Variants in RNF150 observed in about 807,000 individuals in gnomAD.
The protein encoded by RNF150 is ring finger protein 150.
A neutral mutation model predicts 39.3 loss-of-function variants in RNF150; 24 were observed. That is an observed-to-expected ratio of 0.61 (90% CI 0.44 to 0.86). The LOEUF (loss-of-function observed/expected upper bound fraction) is 0.86, where lower values mean the gene tolerates loss of function less well. Among genes scored for constraint, RNF150 ranks in the 40% least tolerant of loss-of-function variants. The pLI is 0.00. For synonymous variants in RNF150, 255 were observed against 227.3 expected, an observed-to-expected ratio of 1.12 and a Z score of -1.10; for missense variants, 502 against 587.8, an observed-to-expected ratio of 0.85 and a Z score of 1.51.
intron 1 of RNF150, among the ~76,000 whole-genome samples, chr4:141,122,057 C>T (rs1362549207): frequency 6.6e-6 from 1 of 152,098 alleles, no homozygotes; most frequent in African/African-American, 2.4e-5. Flanking sequence ...CTGATCTCAA[C>T]CAAGTTCCCC....
intron 6 of RNF150, among the ~76,000 whole-genome samples, chr4:140,909,469 CTTTACTG>C (rs1350198464): frequency 6.6e-6 from 1 of 151,930 alleles, no homozygotes; most frequent in East Asian, 1.9e-4. Context: ...AATTTAAGTT[CTTTACTG>C]TTTACTTCTT....
At chr4:141,074,676 C>A (rs1030842300) in intron 1 of RNF150, among the ~76,000 whole-genome samples, 1 of 152,158 alleles carries the variant, frequency 6.6e-6, no homozygotes, top group Non-Finnish European at 1.5e-5. Context: ...AAGCAGGATA[C>A]AGCTCTCAGG....
At chr4:141,113,784 G>A (rs1008121303) in intron 1 of RNF150, among the ~76,000 whole-genome samples, 1 of 152,154 alleles carries the variant, frequency 6.6e-6, no homozygotes, top group Admixed American at 6.5e-5. Flanking sequence ...ACACTCCTCA[G>A]CAAATGCAAA....
intron 1 of RNF150, among the ~76,000 whole-genome samples, chr4:141,093,473 T>C (rs1254818058): frequency 6.6e-6 from 1 of 152,048 alleles, no homozygotes; most frequent in Admixed American, 6.5e-5. Context: ...TCCTGTCCTA[T>C]AGAAGAGTTA....
At position 140,863,870 on chromosome 4, in the gene RNF150, A is replaced by T. The variant is rs1299734430; in HGVS notation, c.*4391T>A. 2.0e-5 allele frequency: 3 copies of T among 152,188 alleles called. No homozygotes were observed. In the East Asian group the frequency reaches 5.8e-4, roughly 29 times the overall value. 9.4% of individuals were successfully genotyped at this position (152,188 alleles called of 1,614,324 possible). A position where few individuals can be genotyped will look rare whatever the true frequency, so the allele number is the denominator to read the frequency against. On this transcript the variant is annotated 3_prime_UTR_variant, in exon 7 of 7. Transcript: ENST00000515673. The stretch of plus-strand genomic sequence containing the variant: ...TAAGTCAGGGTGATACATTCAATGG[A>T]TAACTAAATGTCATTTAATTTTTTA...
intron 1 of RNF150, among the ~76,000 whole-genome samples, chr4:141,130,414 A>AT (rs900766162): frequency 1.5e-4 from 22 of 150,600 alleles, no homozygotes; most frequent in South Asian, 2.1e-4. Context: ...ACAATTTCCA[A>AT]TTTTTTTTTT....
intron 1 of RNF150, among the ~76,000 whole-genome samples, chr4:141,018,513 C>T (rs1735364919): frequency 6.6e-6 from 1 of 152,146 alleles, no homozygotes; most frequent in Non-Finnish European, 1.5e-5. Flanking sequence ...TTATAACTCC[C>T]TCTAGTCCCT....
intron 4 of RNF150, among the ~76,000 whole-genome samples, chr4:140,929,320 T>C (rs1027071987): frequency 6.6e-5 from 10 of 150,942 alleles, no homozygotes; most frequent in African/African-American, 2.4e-4. Context: ...TATTTCTCTC[T>C]ATGCACTGGT....
chr4:140,869,949 T>TA (rs1036795479), intron 6 of RNF150, among the ~76,000 whole-genome samples: 8 of 152,148 alleles, frequency 5.3e-5, no homozygotes, highest in African/African-American at 1.9e-4. Context: ...AATATGCAAT[T>TA]AAAAAAACCA....
intron 1 of RNF150, among the ~76,000 whole-genome samples, chr4:141,053,177 T>G (rs1343748723): frequency 6.6e-6 from 1 of 152,180 alleles, no homozygotes; most frequent in East Asian, 1.9e-4. Context: ...TCTCTCCATT[T>G]AAAACTATCA....
At chr4:141,106,741 C>T (rs1739222019) in intron 1 of RNF150, among the ~76,000 whole-genome samples, 1 of 152,086 alleles carries the variant, frequency 6.6e-6, no homozygotes, top group Non-Finnish European at 1.5e-5. Context: ...TTGCAGTGAG[C>T]TGACATCGTG....
At chr4:141,018,060 C>G (rs1012748007) in intron 1 of RNF150, among the ~76,000 whole-genome samples, 1 of 152,060 alleles carries the variant, frequency 6.6e-6, no homozygotes, top group Non-Finnish European at 1.5e-5. Context: ...TTAAAATATA[C>G]TATCATTTGA....
chr4:140,950,177 T>C (rs1267922163), intron 2 of RNF150, among the ~76,000 whole-genome samples: 1 of 152,222 alleles, frequency 6.6e-6, no homozygotes, highest in Non-Finnish European at 1.5e-5. Context: ...ATGTTTTATC[T>C]TCTTCTTAGG....
chr4:141,128,190 C>G (rs939183140), intron 1 of RNF150, among the ~76,000 whole-genome samples: 1 of 152,208 alleles, frequency 6.6e-6, no homozygotes, highest in Non-Finnish European at 1.5e-5. Flanking sequence ...TTGTGTGTCA[C>G]TGGGTCCAAT....
At chr4:141,013,947 C>A (rs1436580209) in intron 1 of RNF150, among the ~76,000 whole-genome samples, 1 of 152,088 alleles carries the variant, frequency 6.6e-6, no homozygotes, top group Non-Finnish European at 1.5e-5. Flanking sequence ...TCTAACTAAA[C>A]CTTTGTACCC....
chr4:141,164,537 T>G (rs1159652344), intron 1 of RNF150, among the ~76,000 whole-genome samples: 1 of 152,100 alleles, frequency 6.6e-6, no homozygotes, highest in Non-Finnish European at 1.5e-5. Context: ...GGAAAAAATG[T>G]TATAGGCATC....
At chr4:141,110,040 A>G (rs1739338383) in intron 1 of RNF150, among the ~76,000 whole-genome samples, 1 of 152,200 alleles carries the variant, frequency 6.6e-6, no homozygotes, top group Admixed American at 6.5e-5. Flanking sequence ...AGGGAACCAG[A>G]GAGTAGTAAG....
At chr4:140,955,742 T>C (rs892880267) in intron 2 of RNF150, among the ~76,000 whole-genome samples, 1 of 152,326 alleles carries the variant, frequency 6.6e-6, no homozygotes, top group East Asian at 1.9e-4. Context: ...GACAGAAGCA[T>C]CTCTGCCTGA....
intron 1 of RNF150, among the ~76,000 whole-genome samples, chr4:140,981,929 A>T (rs1489181631): frequency 6.6e-6 from 1 of 152,196 alleles, no homozygotes; most frequent in African/African-American, 2.4e-5. Flanking sequence ...ATAAACAAAC[A>T]TGATTTCATC....
Sources: allele counts gnomAD v4.1 joint callset (sites outside exome capture counted in the v4.1 genomes callset), GRCh38; gene constraint gnomAD v4.1.1; transcripts MANE v1.5; gene names NCBI Gene and HGNC (gene_info 2026-07-23, HGNC 2026-07-21).